KCNIP4: variants seen among roughly 807,000 people sequenced by gnomAD.
The protein encoded by KCNIP4 is potassium voltage-gated channel interacting protein 4.
KCNIP4 carries 12 observed loss-of-function variants against 34.0 expected under a neutral mutation model. The observed-to-expected ratio is 0.35, with a 90% CI of 0.23 to 0.57. The LOEUF is 0.57. Among genes scored for constraint, KCNIP4 ranks in the 20% least tolerant of loss-of-function variants. The probability of loss-of-function intolerance (pLI) is 0.83; values close to 1 mark genes in which losing one functional copy is unlikely to be tolerated. For synonymous variants in KCNIP4, 124 were observed against 102.2 expected (o/e 1.21, Z -1.29); for missense variants, 238 against 311.7 (o/e 0.76, Z 1.78).
intron 1 of KCNIP4, among the ~76,000 whole-genome samples, chr4:21,302,851 T>C (rs538394182): frequency 6.6e-6 from 1 of 152,328 alleles, no homozygotes; most frequent in Admixed American, 6.5e-5. Context: ...TCTGGAGGGC[T>C]GGATTAGTTG....
At chr4:21,239,328 G>A (rs35673673) in intron 1 of KCNIP4, among the ~76,000 whole-genome samples, 23,985 of 143,660 alleles carry the variant, frequency 0.17, 2,470 homozygotes, top group Middle Eastern at 0.24. Context: ...AGGACTTCAT[G>A]TCTAAAACAC....
chr4:21,053,764 AG>A (rs1188501702), intron 1 of KCNIP4, among the ~76,000 whole-genome samples: 3 of 152,214 alleles, frequency 2.0e-5, no homozygotes, highest in African/African-American at 7.2e-5. Flanking sequence ...CCATGACATT[AG>A]TATCCAATAA....
chr4:21,813,423 C>A (rs1721782566), intron 1 of KCNIP4, among the ~76,000 whole-genome samples: 1 of 152,078 alleles, frequency 6.6e-6, no homozygotes, highest in Admixed American at 6.6e-5. Context: ...AACATCTAGA[C>A]AAATATATAG....
At chr4:20,860,849 G>T (rs559170495) in intron 2 of KCNIP4, among the ~76,000 whole-genome samples, 3 of 152,248 alleles carry the variant, frequency 2.0e-5, no homozygotes, top group Admixed American at 6.5e-5. Flanking sequence ...TGATGCTATT[G>T]TTTGTTTAAT....
chr4:21,049,238 C>A (rs976720674), intron 1 of KCNIP4, among the ~76,000 whole-genome samples: 14 of 152,108 alleles, frequency 9.2e-5, no homozygotes, highest in African/African-American at 3.4e-4. Context: ...GCGTGAGCCA[C>A]CGCGCCCGGC....
At chr4:21,153,302 G>A (rs1332977131) in intron 1 of KCNIP4, among the ~76,000 whole-genome samples, 1 of 151,918 alleles carries the variant, frequency 6.6e-6, no homozygotes, top group Non-Finnish European at 1.5e-5. Context: ...TGCCAGCTGA[G>A]TGTATTTTCA....
At chr4:21,116,312 CTGT>C (rs1467814262) in intron 1 of KCNIP4, among the ~76,000 whole-genome samples, 12 of 152,336 alleles carry the variant, frequency 7.9e-5, no homozygotes, top group East Asian at 5.8e-4. Context: ...GCAAAATTTG[CTGT>C]TGTTGTTGTG....
At chr4:21,075,524 T>C (rs1178732363) in intron 1 of KCNIP4, among the ~76,000 whole-genome samples, 1 of 152,182 alleles carries the variant, frequency 6.6e-6, no homozygotes, top group Non-Finnish European at 1.5e-5. Flanking sequence ...ATTTTGAGCC[T>C]ATGTGTGTCT....
intron 3 of KCNIP4, among the ~76,000 whole-genome samples, chr4:20,769,258 T>C (rs1755666624): frequency 6.6e-6 from 1 of 152,168 alleles, no homozygotes; most frequent in African/African-American, 2.4e-5. Flanking sequence ...ATTCTACAAA[T>C]TGTACTTATT....
Position 21,807,908 on chromosome 4 carries a change from G to A in KCNIP4, c.61+140663C>T, listed in dbSNP as rs148292264. On this transcript the variant is annotated intron_variant, in intron 1 of 8. Transcript: ENST00000382152. ...AAGTAATATATATGTAAAACTTTAC[G>A]TAAAATTTAGGAATAAAACTGGAGG... 8.5e-3 allele frequency among the ~76,000 whole-genome samples: 1,291 copies of A among 152,142 alleles called. 14 individuals are homozygous for A. Among genetic ancestry groups the A allele is most frequent in the South Asian group, 0.028 (137 of 4,814 alleles).
At chr4:21,068,274 G>A (rs946706832) in intron 1 of KCNIP4, among the ~76,000 whole-genome samples, 1 of 152,108 alleles carries the variant, frequency 6.6e-6, no homozygotes, top group Non-Finnish European at 1.5e-5. Flanking sequence ...CTCTGACGTG[G>A]TCGTCCTGCT....
intron 1 of KCNIP4, among the ~76,000 whole-genome samples, chr4:21,447,634 T>G (rs1183591086): frequency 6.6e-6 from 1 of 152,180 alleles, no homozygotes; most frequent in Non-Finnish European, 1.5e-5. Context: ...ATTTATAATT[T>G]AGGTACAGTA....
At chr4:21,777,988 A>G (rs944444135) in intron 1 of KCNIP4, among the ~76,000 whole-genome samples, 5 of 152,106 alleles carry the variant, frequency 3.3e-5, no homozygotes, top group Non-Finnish European at 4.4e-5. Flanking sequence ...GGGAAAATAA[A>G]TAATAATTTG....
At position 21,271,008 on chromosome 4, in the gene KCNIP4, T is replaced by C. The variant is rs533595872; in HGVS notation, c.62-388299A>G. Among the ~76,000 whole-genome samples, 10 of 146,386 alleles carry C rather than the reference T, an allele frequency of 6.8e-5. 1 individual carries two copies. The highest frequency in any genetic ancestry group is 1.8e-4 in the African/African-American group (7 of 39,354). ...CCCCAAAAAAAAAAAAAAAAAAGAT[T>C]GTAAAAGAAAATTCTAAATTATAAA... On this transcript the variant is annotated intron_variant, in intron 1 of 8. Coordinates refer to ENST00000382152, the MANE Select transcript of KCNIP4 (RefSeq NM_025221.6).
intron 1 of KCNIP4, among the ~76,000 whole-genome samples, chr4:21,731,323 C>T (rs574433872): frequency 6.6e-6 from 1 of 152,192 alleles, no homozygotes; most frequent in Non-Finnish European, 1.5e-5. Context: ...GAGCTATACA[C>T]AAACGATATA....
chr4:20,868,791 G>A (rs547655018), intron 2 of KCNIP4, among the ~76,000 whole-genome samples: 4 of 152,146 alleles, frequency 2.6e-5, no homozygotes, highest in Admixed American at 6.6e-5. Flanking sequence ...CATTGAACAC[G>A]CATGGAAATA....
At chr4:21,569,090 G>C (rs1740147858) in intron 1 of KCNIP4, among the ~76,000 whole-genome samples, 1 of 151,788 alleles carries the variant, frequency 6.6e-6, no homozygotes, top group Non-Finnish European at 1.5e-5. Flanking sequence ...AAACCTGTGA[G>C]ACAATATATT....
At chr4:21,186,546 C>T (rs1489811079) in intron 1 of KCNIP4, among the ~76,000 whole-genome samples, 8 of 152,156 alleles carry the variant, frequency 5.3e-5, no homozygotes, top group Non-Finnish European at 2.9e-5. Context: ...ACATACAATT[C>T]AATAATTAAA....
intron 1 of KCNIP4, among the ~76,000 whole-genome samples, chr4:21,896,482 C>A (rs1476516470): frequency 2.0e-5 from 3 of 151,894 alleles, no homozygotes; most frequent in Non-Finnish European, 4.4e-5. Flanking sequence ...TGAGAGAAGA[C>A]CTGGCTTGTT....
Sources: allele counts gnomAD v4.1 joint callset (sites outside exome capture counted in the v4.1 genomes callset), GRCh38; gene constraint gnomAD v4.1.1; transcripts MANE v1.5; gene names NCBI Gene and HGNC (gene_info 2026-07-23, HGNC 2026-07-21).